Variants in PHF21B observed in about 807,000 individuals in gnomAD.
The protein encoded by PHF21B is PHD finger protein 4.
Under a neutral mutation model 62.2 loss-of-function variants are expected in PHF21B, and 22 were observed. The ratio of observed to expected loss-of-function variants is 0.35; its 90% CI spans 0.25 to 0.51. The LOEUF (loss-of-function observed/expected upper bound fraction) is 0.51, where lower values mean the gene tolerates loss of function less well. PHF21B is among the 20% of genes least tolerant of loss of function. PHF21B has a pLI of 0.97. For missense variants in PHF21B, 701 were observed against 707.9 expected, an observed-to-expected ratio of 0.99 and a Z score of 0.11; for synonymous variants, 341 against 314.7, an observed-to-expected ratio of 1.08 and a Z score of -0.88.
chr22:44,926,780 G>A (rs940799291), intron 2 of PHF21B, among the ~76,000 whole-genome samples: 4 of 152,158 alleles, frequency 2.6e-5, no homozygotes, highest in Non-Finnish European at 5.9e-5. Context: ...CCATGTATCC[G>A]TGTCCGGGTG....
At chr22:45,002,239 T>C (rs2073233630) in intron 2 of PHF21B, among the ~76,000 whole-genome samples, 1 of 152,232 alleles carries the variant, frequency 6.6e-6, no homozygotes, top group Non-Finnish European at 1.5e-5. Context: ...CATTATACGT[T>C]ACATGTGGCC....
At chr22:44,951,040 G>A (rs921708288) in intron 2 of PHF21B, among the ~76,000 whole-genome samples, 1 of 152,090 alleles carries the variant, frequency 6.6e-6, no homozygotes, top group Non-Finnish European at 1.5e-5. Flanking sequence ...AGACGCAGCG[G>A]TACAACTGAA....
At chr22:45,000,046 A>G (rs1241081562) in intron 2 of PHF21B, among the ~76,000 whole-genome samples, 1 of 152,082 alleles carries the variant, frequency 6.6e-6, no homozygotes, top group Non-Finnish European at 1.5e-5. Context: ...ATCCCCTTTT[A>G]TAACTACGGA....
Position 44,882,766 on chromosome 22 carries a change from G to A in PHF21B, c.*320C>T. On this transcript the variant is annotated 3_prime_UTR_variant, in exon 13 of 13. Coordinates refer to ENST00000313237, the MANE Select transcript of PHF21B (RefSeq NM_138415.5). ...CTCAGCCTGCCCCTCCAACGGGCCA[G>A]AGGGAGGCCGTGGAGAGCAGGGCCT... 3.3e-6 allele frequency: 1 copy of A among 303,836 alleles called. No individual in the cohort carries two copies. The highest frequency in any genetic ancestry group is 6.1e-6 in the Non-Finnish European group (1 of 163,614). 18.8% of individuals were successfully genotyped at this position (303,836 alleles called of 1,614,324 possible).
At chr22:44,962,644 A>C (rs1459101541) in intron 2 of PHF21B, among the ~76,000 whole-genome samples, 2 of 152,192 alleles carry the variant, frequency 1.3e-5, no homozygotes, top group Non-Finnish European at 2.9e-5. Context: ...CACACATCCT[A>C]CTGGCTGTAT....
intron 2 of PHF21B, among the ~76,000 whole-genome samples, chr22:44,949,322 A>G (rs1054271120): frequency 1.3e-4 from 19 of 151,568 alleles, no homozygotes; most frequent in African/African-American, 1.7e-4. Context: ...AAAAAAAAAA[A>G]AAAGAAAAAA....
intron 2 of PHF21B, among the ~76,000 whole-genome samples, chr22:44,976,627 C>T (rs576818617): frequency 6.6e-6 from 1 of 152,316 alleles, no homozygotes; most frequent in East Asian, 1.9e-4. Context: ...TGGAAGTGTC[C>T]TGTCCCTGGA....
intron 2 of PHF21B, among the ~76,000 whole-genome samples, chr22:44,995,270 C>G (rs960142041): frequency 5.9e-5 from 9 of 152,194 alleles, no homozygotes; most frequent in Non-Finnish European, 1.3e-4. Flanking sequence ...CTTCTCCCTT[C>G]AAAGCCGCTT....
intron 2 of PHF21B, among the ~76,000 whole-genome samples, chr22:44,936,517 G>A (rs1016530768): frequency 6.6e-6 from 1 of 152,150 alleles, no homozygotes; most frequent in African/African-American, 2.4e-5. Context: ...AGACAGGACC[G>A]CCTCCTGCCA....
intron 2 of PHF21B, among the ~76,000 whole-genome samples, chr22:44,977,584 T>C (rs1235381146): frequency 6.6e-6 from 1 of 150,866 alleles, no homozygotes; most frequent in East Asian, 1.9e-4. Flanking sequence ...AAAAAGGATA[T>C]CGCTTGTTTT....
Position 44,944,651 on chromosome 22 carries a change from G to T in PHF21B, c.121-24161C>A, listed in dbSNP as rs60733360. Reference sequence around the variant, plus strand: ...CACAGGGCCACGCTGGCCCATCCTGGTTCCTCTATCTGCTAGATGTGGATG... The same window carrying T: ...CACAGGGCCACGCTGGCCCATCCTGTTTCCTCTATCTGCTAGATGTGGATG... On this transcript the variant is annotated intron_variant, in intron 2 of 12. Coordinates refer to ENST00000313237, the MANE Select transcript of PHF21B (RefSeq NM_138415.5). 9.3e-3 allele frequency among the ~76,000 whole-genome samples: 1,417 copies of T among 152,312 alleles called. 22 individuals are homozygous for T. The highest frequency in any genetic ancestry group is 0.033 in the African/African-American group (1,365 of 41,566).
intron 2 of PHF21B, among the ~76,000 whole-genome samples, chr22:44,988,287 T>C (rs1338284402): frequency 1.3e-5 from 2 of 152,100 alleles, no homozygotes; most frequent in African/African-American, 2.4e-5. Context: ...GGCATCATAG[T>C]GAGACCTCGT....
At chr22:45,000,625 G>A (rs768877668) in intron 2 of PHF21B, 2 of 152,154 alleles carry the variant, frequency 1.3e-5, no homozygotes, top group African/African-American at 2.4e-5. Context: ...GTACGGTTCC[G>A]ACAGCAGGTG....
chr22:44,991,051 G>A (rs1180748751), intron 2 of PHF21B, among the ~76,000 whole-genome samples: 1 of 152,194 alleles, frequency 6.6e-6, no homozygotes, highest in Non-Finnish European at 1.5e-5. Flanking sequence ...ACCTTCCAGG[G>A]CTGTCACGAG....
At chr22:44,917,236 T>G (rs1419392183) in intron 3 of PHF21B, among the ~76,000 whole-genome samples, 2 of 152,172 alleles carry the variant, frequency 1.3e-5, no homozygotes, top group African/African-American at 2.4e-5. Flanking sequence ...TTGGGCCCAA[T>G]CCTGGCTCCT....
chr22:44,931,473 A>C (rs917472883), intron 2 of PHF21B, among the ~76,000 whole-genome samples: 3 of 152,216 alleles, frequency 2.0e-5, no homozygotes, highest in Admixed American at 6.5e-5. Flanking sequence ...AAAAAGTGCC[A>C]GACAACACAA....
chr22:44,894,606 T>G (rs2071024708), intron 6 of PHF21B, among the ~76,000 whole-genome samples: 1 of 152,162 alleles, frequency 6.6e-6, no homozygotes, highest in African/African-American at 2.4e-5. Flanking sequence ...TCACAGAGGT[T>G]CTTACAAAGG....
At chr22:44,899,488 ACCAT>A (rs1352832575) in intron 5 of PHF21B, among the ~76,000 whole-genome samples, 1 of 151,746 alleles carries the variant, frequency 6.6e-6, no homozygotes, top group Non-Finnish European at 1.5e-5. Flanking sequence ...ACGGGGTTTC[ACCAT>A]GTTGGCCAGG....
intron 12 of PHF21B, among the ~76,000 whole-genome samples, chr22:44,884,894 T>C (rs5766163): frequency 6.6e-6 from 1 of 151,958 alleles, no homozygotes; most frequent in African/African-American, 2.4e-5. Context: ...ACCATCACCA[T>C]CATCACCACC....
Sources: allele counts gnomAD v4.1 joint callset (sites outside exome capture counted in the v4.1 genomes callset), GRCh38; gene constraint gnomAD v4.1.1; transcripts MANE v1.5; gene names NCBI Gene and HGNC (gene_info 2026-07-23, HGNC 2026-07-21).